The following MBD2 variants were observed in gnomAD, a reference collection of about 807,000 sequenced individuals.
MBD2 encodes the protein methyl-CpG-binding domain protein 2.
A neutral mutation model predicts 39.3 loss-of-function variants in MBD2; 9 were observed. The ratio of observed to expected loss-of-function variants is 0.23; its 90% confidence interval spans 0.14 to 0.40. The LOEUF (loss-of-function observed/expected upper bound fraction) is 0.40, where lower values mean the gene tolerates loss of function less well. MBD2 is among the 10% of genes least tolerant of loss of function. The pLI, the probability that MBD2 is intolerant of heterozygous loss-of-function variation, is 1.00. For missense variants in MBD2, 458 were observed against 532.6 expected, an observed-to-expected ratio of 0.86 and a Z score of 1.38; for synonymous variants, 233 against 211.1, an observed-to-expected ratio of 1.10 and a Z score of -0.90.
At position 54,154,765 on chromosome 18, in the gene MBD2, A is replaced by T. The variant is rs1363698971; in HGVS notation, c.*559T>A. Reference sequence around the variant, plus strand: ...ACCTAAGGCCCAGGGATCAGAGTTGAATGTAAATCAGAGGAAGGCTAACGA... The same window carrying T: ...ACCTAAGGCCCAGGGATCAGAGTTGTATGTAAATCAGAGGAAGGCTAACGA... On this transcript the variant is annotated 3_prime_UTR_variant, in exon 7 of 7. Coordinates refer to ENST00000256429, the MANE Select transcript of MBD2 (RefSeq NM_003927.5). The T allele has an allele frequency of 6.6e-6, 1 of 152,638 alleles. No homozygotes were observed. The highest frequency in any genetic ancestry group is 2.4e-5 in the African/African-American group (1 of 41,462). The allele number at this position is 152,638 out of a possible 1,614,324, so 9.5% of individuals were successfully genotyped here.
At chr18:54,183,133 C>T (rs2086262112) in intron 3 of MBD2, among the ~76,000 whole-genome samples, 1 of 152,150 alleles carries the variant, frequency 6.6e-6, no homozygotes, top group Non-Finnish European at 1.5e-5. Context: ...GTGGTCCTTT[C>T]ACTGAGATAA....
At chr18:54,207,167 C>CT (rs1209934394) in intron 1 of MBD2, among the ~76,000 whole-genome samples, 1 of 152,212 alleles carries the variant, frequency 6.6e-6, no homozygotes, top group Admixed American at 6.5e-5. Flanking sequence ...TTCCCAGACT[C>CT]TTTTCCCACC....
At chr18:54,215,102 A>T (rs1027008573) in intron 1 of MBD2, among the ~76,000 whole-genome samples, 3 of 152,304 alleles carry the variant, frequency 2.0e-5, no homozygotes, top group Non-Finnish European at 2.9e-5. Flanking sequence ...ACAAAAACTT[A>T]TCCATCCAAG....
chr18:54,217,263 T>C (rs571432446), intron 1 of MBD2, among the ~76,000 whole-genome samples: 41 of 152,306 alleles, frequency 2.7e-4, no homozygotes, highest in African/African-American at 9.6e-4. Context: ...CCAAAATGAG[T>C]TTGAATTTGT....
intron 5 of MBD2, among the ~76,000 whole-genome samples, chr18:54,163,522 A>G (rs1145317): frequency 0.41 from 61,712 of 151,860 alleles, 12,826 homozygotes; most frequent in East Asian, 0.57. Context: ...TTGCTCTGTG[A>G]TCTTACTAAC....
In MBD2 at chr18:54,151,872, T is replaced by C. The variant is rs2086023889; in HGVS notation, c.*3452A>G. On this transcript the variant is annotated 3_prime_UTR_variant, in exon 7 of 7. Coordinates refer to ENST00000256429, the MANE Select transcript of MBD2 (RefSeq NM_003927.5). Reference sequence around the variant, plus strand: ...ACACCCTGGAAGCCACCAAGGGCATTTCTTTCCTTTATAATACATACAGCT... The same window carrying C: ...ACACCCTGGAAGCCACCAAGGGCATCTCTTTCCTTTATAATACATACAGCT... 2.0e-5 allele frequency: 3 copies of C among 151,192 alleles called. No homozygotes were observed. Among genetic ancestry groups the C allele is most frequent in the Admixed American group, 2.0e-4 (3 of 15,194 alleles). The allele number at this position is 151,192 out of a possible 1,614,324, so 9.4% of individuals were successfully genotyped here.
At chr18:54,179,817 G>A (rs1002735604) in intron 3 of MBD2, among the ~76,000 whole-genome samples, 6 of 152,058 alleles carry the variant, frequency 3.9e-5, no homozygotes, top group Admixed American at 6.5e-5. Flanking sequence ...CTGACATCAC[G>A]AATGAGACTA....
chr18:54,211,414 C>CACAT (rs10666436), intron 1 of MBD2, among the ~76,000 whole-genome samples: 1 of 149,708 alleles, frequency 6.7e-6, no homozygotes. Flanking sequence ...CACACACACA[C>CACAT]GCACACACGC....
chr18:54,208,173 A>G (rs1479013946), intron 1 of MBD2, among the ~76,000 whole-genome samples: 1 of 152,030 alleles, frequency 6.6e-6, no homozygotes, highest in Non-Finnish European at 1.5e-5. Flanking sequence ...CAAAAAAATG[A>G]AAACACAAAA....
intron 3 of MBD2, among the ~76,000 whole-genome samples, chr18:54,170,861 C>A (rs2086174782): frequency 6.6e-6 from 1 of 152,130 alleles, no homozygotes; most frequent in Non-Finnish European, 1.5e-5. Context: ...AGAGAAAAGA[C>A]TATTCCAACC....
chr18:54,191,481 A>G (rs1303161078), intron 2 of MBD2, among the ~76,000 whole-genome samples: 3 of 152,216 alleles, frequency 2.0e-5, no homozygotes, highest in African/African-American at 7.2e-5. Flanking sequence ...TTAAAAACTG[A>G]AAGATCTAGA....
intron 2 of MBD2, among the ~76,000 whole-genome samples, chr18:54,204,574 A>G (rs1396574759): frequency 2.0e-5 from 3 of 152,232 alleles, no homozygotes; most frequent in African/African-American, 4.8e-5. Flanking sequence ...CATTATCCTC[A>G]ACATCATCAA....
chr18:54,193,029 A>G (rs1017738271), intron 2 of MBD2, among the ~76,000 whole-genome samples: 19 of 152,164 alleles, frequency 1.2e-4, no homozygotes, highest in African/African-American at 4.6e-4. Flanking sequence ...AATGTCTTTA[A>G]TTTATTATTC....
chr18:54,178,248 A>T (rs1209395717), intron 3 of MBD2, among the ~76,000 whole-genome samples: 2 of 152,194 alleles, frequency 1.3e-5, no homozygotes, highest in African/African-American at 4.8e-5. Flanking sequence ...ATAAATCCTC[A>T]AAATTACCAG....
chr18:54,203,202 A>G (rs2144328821), intron 2 of MBD2: 2 of 1,480,686 alleles, frequency 1.4e-6, no homozygotes, highest in Non-Finnish European at 1.8e-6. Flanking sequence ...TACACTTAAC[A>G]TAACTAAACT....
At chr18:54,180,752 C>A (rs2086244661) in intron 3 of MBD2, among the ~76,000 whole-genome samples, 1 of 152,196 alleles carries the variant, frequency 6.6e-6, no homozygotes, top group Non-Finnish European at 1.5e-5. Context: ...TCGATTTTTT[C>A]ATCTGTATTC....
intron 5 of MBD2, among the ~76,000 whole-genome samples, chr18:54,162,679 T>C (rs541079013): frequency 1.3e-5 from 2 of 152,218 alleles, no homozygotes; most frequent in Admixed American, 6.5e-5. Context: ...CATCCCAAGA[T>C]GGAAAAGAAC....
At chr18:54,223,996 C>CTCCCT (rs2086637109) in intron 1 of MBD2, 22 bp downstream of exon 1, 1 of 1,575,650 alleles carries the variant, frequency 6.3e-7, no homozygotes, top group Admixed American at 1.7e-5. Flanking sequence ...CCGCCACCCC[C>CTCCCT]TCCCCGCCCC....
At position 54,151,851 on chromosome 18, in the gene MBD2, C is replaced by T. The variant is rs1436717770; in HGVS notation, c.*3473G>A. 2 of 149,200 alleles carry T rather than the reference C, an allele frequency of 1.3e-5. No individual in the cohort carries two copies. Among genetic ancestry groups the T allele is most frequent in the Non-Finnish European group, 3.0e-5 (2 of 67,316 alleles). The allele number at this position is 149,200 out of a possible 1,614,324, so 9.2% of individuals were successfully genotyped here. ...AGACCAAAAAAAAAAAAAAAAACAC[C>T]CTGGAAGCCACCAAGGGCATTTCTT... On this transcript the variant is annotated 3_prime_UTR_variant, in exon 7 of 7. Transcript: ENST00000256429.
Sources: allele counts gnomAD v4.1 joint callset (sites outside exome capture counted in the v4.1 genomes callset), GRCh38; gene constraint gnomAD v4.1.1; transcripts MANE v1.5; gene names NCBI Gene and HGNC (gene_info 2026-07-23, HGNC 2026-07-21).